GLIPR1L1: variants seen among roughly 807,000 people sequenced by gnomAD.
GLIPR1L1 encodes the protein GLIPR1 like 1, also known as GLIPR1-like protein 1.
A neutral mutation model predicts 29.9 loss-of-function variants in GLIPR1L1; 26 were observed. The observed-to-expected ratio is 0.87, with a 90% CI of 0.64 to 1.21. The LOEUF (loss-of-function observed/expected upper bound fraction) is 1.21, where lower values mean the gene tolerates loss of function less well. Among genes scored for constraint, GLIPR1L1 ranks in the 50% most tolerant of loss-of-function variants. The pLI is 0.00. For synonymous variants in GLIPR1L1, 77 were observed against 97.5 expected, an observed-to-expected ratio of 0.79 and a Z score of 1.24; for missense variants, 305 against 290.3, an observed-to-expected ratio of 1.05 and a Z score of -0.37.
intron 1 of GLIPR1L1, 23 bp downstream of exon 1, chr12:75,334,925 C>T (rs765976740): frequency 6.2e-7 from 1 of 1,603,956 alleles, no homozygotes; most frequent in South Asian, 1.1e-5. Flanking sequence ...CAGGGCTGGG[C>T]TCTTAAATCC....
Position 75,363,189 on chromosome 12 carries a change from C to T in GLIPR1L1, c.609C>T (p.Cys203=). ...AAGAGAAATGTGTAAAGAACCTCTG[C>T]AGTAAGCAAAAATATATATATATAA... ...SKEEKCVKNL[C]RTPQLIIPNQ... is the part of the protein sequence containing the mutation. The change falls in exon 4 of 6, where the codon TGC becomes TGT. Residue 203 remains cysteine, a splice_region_variant and synonymous_variant. Transcript: ENST00000378695. The T allele has an allele frequency of 7.1e-7, 1 of 1,401,052 alleles. No homozygotes were observed. The highest frequency in any genetic ancestry group is 9.6e-7 in the Non-Finnish European group (1 of 1,046,154). The allele number at this position is 1,401,052 out of a possible 1,614,324, so 86.8% of individuals were successfully genotyped here.
chr12:75,368,493 G>A (rs1179566190), intron 4 of GLIPR1L1, among the ~76,000 whole-genome samples: 1 of 151,522 alleles, frequency 6.6e-6, no homozygotes, highest in Non-Finnish European at 1.5e-5. Flanking sequence ...CAGGAGTTAA[G>A]TGATGCCCCA....
At chr12:75,347,483 A>T (rs2042530395) in intron 2 of GLIPR1L1, 139 bp from the exon 3 acceptor site, 1 of 392,522 alleles carries the variant, frequency 2.5e-6, no homozygotes, top group Admixed American at 4.1e-5. Context: ...AAATATAAAC[A>T]TTAGAAAAAA....
chr12:75,359,685 T>C (rs1399932165), intron 3 of GLIPR1L1, among the ~76,000 whole-genome samples: 3 of 152,158 alleles, frequency 2.0e-5, no homozygotes, highest in South Asian at 2.1e-4. Context: ...TCACACATTG[T>C]TGACCACATT....
At chr12:75,351,269 A>G (rs931964992) in intron 3 of GLIPR1L1, among the ~76,000 whole-genome samples, 4 of 152,324 alleles carry the variant, frequency 2.6e-5, no homozygotes, top group Non-Finnish European at 4.4e-5. Context: ...ACTTCAGGAT[A>G]TCATCCAGGA....
At chr12:75,366,749 T>C in intron 4 of GLIPR1L1, 1 of 625,726 alleles carries the variant, frequency 1.6e-6, no homozygotes, top group East Asian at 2.8e-5. Flanking sequence ...GTTTTACCAA[T>C]GAGTCATTTC....
intron 2 of GLIPR1L1, among the ~76,000 whole-genome samples, chr12:75,345,726 CA>C (rs1434836883): frequency 6.6e-6 from 1 of 152,086 alleles, no homozygotes; most frequent in Non-Finnish European, 1.5e-5. Flanking sequence ...TCCTGACTAA[CA>C]AAAAGATGCA....
chr12:75,334,691 C>T lies in GLIPR1L1; in HGVS notation c.-38C>T, dbSNP rs954892025. ...GGTTGCCCCAGCCGTTACTGGTCCG[C>T]GCAGTCAGGGCATCCTCCGCATCCT... On this transcript the variant is annotated 5_prime_UTR_variant, in exon 1 of 6. Coordinates refer to ENST00000378695, the MANE Select transcript of GLIPR1L1 (RefSeq NM_001304964.2). The T allele has an allele frequency of 5.7e-6, 9 of 1,591,730 alleles. No homozygotes were observed. The highest frequency in any genetic ancestry group is 3.4e-6 in the Non-Finnish European group (4 of 1,168,724).
chr12:75,338,863 G>C (rs2041912871), intron 1 of GLIPR1L1, among the ~76,000 whole-genome samples: 3 of 152,122 alleles, frequency 2.0e-5, no homozygotes, highest in Non-Finnish European at 4.4e-5. Flanking sequence ...TTGGTTTTCT[G>C]TTCCTGCATT....
At chr12:75,345,356 T>G (rs1042676238) in intron 2 of GLIPR1L1, among the ~76,000 whole-genome samples, 7 of 152,276 alleles carry the variant, frequency 4.6e-5, no homozygotes, top group African/African-American at 1.7e-4. Flanking sequence ...ATTTTTAAAA[T>G]TATTTCAGAT....
At chr12:75,335,538 A>T (rs1269061090) in intron 1 of GLIPR1L1, among the ~76,000 whole-genome samples, 1 of 152,180 alleles carries the variant, frequency 6.6e-6, no homozygotes, top group Admixed American at 6.5e-5. Flanking sequence ...AAACGTTGAT[A>T]GTATTAGTCT....
intron 4 of GLIPR1L1, 42 bp from the exon 5 acceptor site, chr12:75,369,918 T>C (rs1413094342): frequency 1.1e-5 from 14 of 1,232,208 alleles, no homozygotes; most frequent in African/African-American, 1.5e-5. Context: ...TGTTTTCTTG[T>C]TTTATAACAT....
At position 75,347,692 on chromosome 12, in the gene GLIPR1L1, C is replaced by T; in HGVS notation, c.491C>T (p.Thr164Ile). ...AMCPNLGGAS[T>I]AIFVCNYGPA... is the part of the protein sequence containing the mutation. ...TGTCCTAACCTTGGGGGAGCTTCAA[C>T]TGCAATATTTGTATGCAACTACGGA... The change falls in exon 3 of 6, where the codon ACT (threonine) becomes ATT (isoleucine). Residue 164 changes from threonine to isoleucine, a missense_variant. Coordinates refer to ENST00000378695, the MANE Select transcript of GLIPR1L1 (RefSeq NM_001304964.2). 1 of 1,604,872 alleles carries T rather than the reference C, an allele frequency of 6.2e-7. No individual in the cohort carries two copies. Among genetic ancestry groups the T allele is most frequent in the Non-Finnish European group, 8.5e-7 (1 of 1,173,908 alleles).
chr12:75,335,110 T>G (rs573788897), intron 1 of GLIPR1L1, among the ~76,000 whole-genome samples: 3 of 152,328 alleles, frequency 2.0e-5, no homozygotes, highest in East Asian at 3.9e-4. Flanking sequence ...GTTCCTTGCC[T>G]CTTGCGGGGA....
At chr12:75,368,548 A>G (rs1372478746) in intron 4 of GLIPR1L1, among the ~76,000 whole-genome samples, 1 of 151,554 alleles carries the variant, frequency 6.6e-6, no homozygotes, top group African/African-American at 2.4e-5. Context: ...GATAAATCCA[A>G]TTTGGTCATG....
chr12:75,363,006 G>T, intron 3 of GLIPR1L1, 96 bp from the exon 4 acceptor site: 1 of 569,040 alleles, frequency 1.8e-6, no homozygotes, highest in Non-Finnish European at 3.2e-6. Flanking sequence ...CAACATTTAT[G>T]ACTTAATAAA....
intron 3 of GLIPR1L1, among the ~76,000 whole-genome samples, chr12:75,357,063 T>C (rs972666271): frequency 1.4e-4 from 22 of 152,156 alleles, no homozygotes; most frequent in African/African-American, 5.3e-4. Context: ...TGGTGGCACA[T>C]GCCTGTAGTT....
intron 3 of GLIPR1L1, among the ~76,000 whole-genome samples, chr12:75,356,406 G>A (rs1204875095): frequency 2.0e-5 from 3 of 152,012 alleles, no homozygotes; most frequent in Non-Finnish European, 4.4e-5. Context: ...TAAATGTATT[G>A]TGATATTGTA....
chr12:75,353,843 A>C (rs1010125040), intron 3 of GLIPR1L1, among the ~76,000 whole-genome samples: 12 of 152,252 alleles, frequency 7.9e-5, no homozygotes, highest in African/African-American at 2.9e-4. Context: ...CAACATACGC[A>C]AATCAATGAA....
Sources: allele counts gnomAD v4.1 joint callset (sites outside exome capture counted in the v4.1 genomes callset), GRCh38; gene constraint gnomAD v4.1.1; transcripts MANE v1.5; gene names NCBI Gene and HGNC (gene_info 2026-07-23, HGNC 2026-07-21).